Variants in FAM185A observed in about 807,000 individuals in gnomAD.
FAM185A encodes family with sequence similarity 185 member A.
In FAM185A, 21 loss-of-function variants were observed where a neutral mutation model predicts 45.7. The ratio of observed to expected loss-of-function variants is 0.46; its 90% CI spans 0.33 to 0.66. The LOEUF is 0.66. Among genes scored for constraint, FAM185A ranks in the 30% least tolerant of loss-of-function variants. FAM185A has a pLI of 0.03. For missense variants in FAM185A, 305 were observed against 485.4 expected (o/e 0.63, Z 3.49); for synonymous variants, 117 against 194.0 (o/e 0.60, Z 3.30).
At chr7:102,789,359 A>T (rs137897870) in intron 7 of FAM185A, among the ~76,000 whole-genome samples, 328 of 140,838 alleles carry the variant, frequency 2.3e-3, no homozygotes, top group Middle Eastern at 7.1e-3. Flanking sequence ...GCCTTAAGTG[A>T]TCCTCCCGCC....
rs1207186112 is a variant in FAM185A, at chr7:102,769,011, G to T, written c.794-3398G>T. On this transcript the variant is annotated intron_variant, in intron 4 of 7. Transcript: ENST00000413034. The stretch of plus-strand genomic sequence containing the variant: ...TAAATATACTACTTTATTCCACTAT[G>T]CATTTGAAGGAAGAAATCCATTTTG... 2.0e-5 allele frequency among the ~76,000 whole-genome samples: 3 copies of T among 152,230 alleles called. No individual in the cohort carries two copies. The East Asian group carries it at 5.8e-4, about 29-fold the overall frequency.
chr7:102,781,514 T>C (rs1795404904), intron 6 of FAM185A, among the ~76,000 whole-genome samples: 1 of 152,202 alleles, frequency 6.6e-6, no homozygotes, highest in South Asian at 2.1e-4. Flanking sequence ...ATATCCGCTG[T>C]TCTGCAGCCT....
the FAM185A span, among the ~76,000 whole-genome samples, chr7:102,847,952 T>C: frequency 6.6e-6 from 1 of 152,224 alleles, no homozygotes; most frequent in Non-Finnish European, 1.5e-5. Context: ...CATATACACA[T>C]TGACATATGT....
At position 102,808,308 on chromosome 7, in the gene FAM185A, G is replaced by T. The variant is rs529704423; in HGVS notation, c.1085G>T (p.Ser362Ile). ...GTTTTAGGACTCATGAATCAAGCAA[G>T]CAAACGTGAAAAATGGATTAAGGCT... Reference protein sequence around the residue: ...VTVTGLMNQASKREKWIKADA... With the variant: ...VTVTGLMNQAIKREKWIKADA... Residue 362 changes from serine to isoleucine, a missense_variant, in exon 8 of 8, where the codon AGC (serine) becomes ATC (isoleucine). Ser to Ile is a moderately radical substitution (Grantham distance 142, BLOSUM62 -2). This residue lies in a region of FAM185A where 66 missense variants were observed against 74.6 expected (regional missense o/e 0.89). Coordinates refer to ENST00000413034, the MANE Select transcript of FAM185A (RefSeq NM_001145268.2). The T allele has an allele frequency of 3.2e-6, 5 of 1,551,634 alleles. No individual in the cohort carries two copies. Among genetic ancestry groups the T allele is most frequent in the Non-Finnish European group, 8.7e-7 (1 of 1,146,858 alleles).
At chr7:102,849,694 G>A in the FAM185A span, among the ~76,000 whole-genome samples, 5 of 152,074 alleles carry the variant, frequency 3.3e-5, no homozygotes, top group Non-Finnish European at 5.9e-5. Flanking sequence ...CTCCTCCCCC[G>A]GCTTTGTCTG....
At chr7:102,846,940 A>G in the FAM185A span, among the ~76,000 whole-genome samples, 3 of 152,214 alleles carry the variant, frequency 2.0e-5, no homozygotes, top group Admixed American at 6.5e-5. Flanking sequence ...TGTATGGCCT[A>G]CACTCTAAGA....
the FAM185A span, among the ~76,000 whole-genome samples, chr7:102,818,655 C>A: frequency 6.6e-6 from 1 of 152,114 alleles, no homozygotes; most frequent in Non-Finnish European, 1.5e-5. Flanking sequence ...CTAAAGAAGG[C>A]CTTCCAGGAA....
the FAM185A span, among the ~76,000 whole-genome samples, chr7:102,845,435 C>T: frequency 6.6e-6 from 1 of 152,116 alleles, no homozygotes; most frequent in South Asian, 2.1e-4. Context: ...TATATATTTC[C>T]TATAAATCAC....
intron 7 of FAM185A, among the ~76,000 whole-genome samples, chr7:102,797,104 T>G (rs963967043): frequency 2.0e-5 from 3 of 152,246 alleles, no homozygotes; most frequent in African/African-American, 7.2e-5. Flanking sequence ...TATTTTTTTA[T>G]CTGGAAGATT....
At chr7:102,832,963 T>C in the FAM185A span, 1 of 1,614,124 alleles carries the variant, frequency 6.2e-7, no homozygotes, top group Non-Finnish European at 8.5e-7. Context: ...TCAGTGAGCT[T>C]TTGCAGAATG....
At chr7:102,811,646 T>G (rs961506438), downstream of FAM185A, among the ~76,000 whole-genome samples, 5 of 152,226 alleles carry the variant, frequency 3.3e-5, no homozygotes, top group African/African-American at 1.2e-4. Context: ...TGTCATTCCT[T>G]TAGAAAGCAA....
At chr7:102,831,302 A>G in the FAM185A span, among the ~76,000 whole-genome samples, 3 of 152,004 alleles carry the variant, frequency 2.0e-5, no homozygotes, top group Non-Finnish European at 4.4e-5. Flanking sequence ...ACCAGAGAAC[A>G]TGTGGTAAGG....
the FAM185A span, among the ~76,000 whole-genome samples, chr7:102,849,211 ATCT>A: frequency 6.6e-6 from 1 of 152,238 alleles, no homozygotes; most frequent in South Asian, 2.1e-4. Context: ...TGCATCAAAC[ATCT>A]TCTCCAAAAT....
intron 4 of FAM185A, among the ~76,000 whole-genome samples, chr7:102,771,596 GA>G (rs1794745595): frequency 6.6e-6 from 1 of 151,918 alleles, no homozygotes; most frequent in African/African-American, 2.4e-5. Context: ...GAGATAAAAT[GA>G]GTTTACTGAA....
At chr7:102,790,271 GT>G (rs1405165381) in intron 7 of FAM185A, among the ~76,000 whole-genome samples, 1 of 151,888 alleles carries the variant, frequency 6.6e-6, no homozygotes, top group Non-Finnish European at 1.5e-5. Context: ...CAGGTAGTGC[GT>G]TGCATTTAAA....
At chr7:102,790,514 AGTTT>A (rs1424057642) in intron 7 of FAM185A, among the ~76,000 whole-genome samples, 1 of 152,242 alleles carries the variant, frequency 6.6e-6, no homozygotes, top group African/African-American at 2.4e-5. Flanking sequence ...ACAATAATAA[AGTTT>A]GTTTAACTGT....
chr7:102,789,675 C>T (rs1298574188), intron 7 of FAM185A, among the ~76,000 whole-genome samples: 5 of 152,254 alleles, frequency 3.3e-5, no homozygotes, highest in Non-Finnish European at 4.4e-5. Context: ...CGCCACTGCC[C>T]TCCAGTCTGA....
chr7:102,788,058 G>A (rs1382289010), intron 7 of FAM185A, among the ~76,000 whole-genome samples: 3 of 151,974 alleles, frequency 2.0e-5, no homozygotes, highest in Non-Finnish European at 1.5e-5. Context: ...TCCGCCTCCC[G>A]GGTTCAAACG....
chr7:102,752,931 T>A (rs562863698), intron 2 of FAM185A, among the ~76,000 whole-genome samples: 82 of 151,182 alleles, frequency 5.4e-4, no homozygotes, highest in Admixed American at 1.8e-3. Flanking sequence ...CATTTTTAGA[T>A]TTCTAAACAC....
Sources: allele counts gnomAD v4.1 joint callset (sites outside exome capture counted in the v4.1 genomes callset), GRCh38; gene constraint gnomAD v4.1.1; regional missense constraint gnomAD v4.1.1; transcripts MANE v1.5; gene names NCBI Gene and HGNC (gene_info 2026-07-23, HGNC 2026-07-21).